The following ZNF74 variants were observed in gnomAD, a reference collection of about 807,000 sequenced individuals.
ZNF74 encodes the protein zinc finger protein 520.
In ZNF74, 12 loss-of-function variants were observed where a neutral mutation model predicts 17.7. The ratio of observed to expected loss-of-function variants is 0.68; its 90% confidence interval spans 0.43 to 1.10. ZNF74 has a LOEUF of 1.10. Among genes scored for constraint, ZNF74 ranks in the 50% least tolerant of loss-of-function variants. The pLI is 0.00. For missense variants in ZNF74, 811 were observed against 881.0 expected (o/e 0.92, Z 1.01); for synonymous variants, 358 against 362.1 (o/e 0.99, Z 0.13).
chr22:20,406,098 C>A lies in ZNF74; in HGVS notation c.1065C>A (p.Thr355=). The change falls in exon 5 of 5, where the codon ACC becomes ACA. Residue 355 remains threonine (T), a synonymous_variant. Transcript: ENST00000400451. The part of the protein sequence containing the change: ...SLLSMHLRVH[T]GEKPYRCGEC... ...TCAGCATGCACCTGCGGGTGCACAC[C>A]GGCGAGAAGCCCTACCGGTGCGGCG... 11 of 1,612,978 alleles carry A rather than the reference C, an allele frequency of 6.8e-6. No individual in the cohort carries two copies. Among genetic ancestry groups the A allele is most frequent in the Non-Finnish European group, 9.3e-6 (11 of 1,179,674 alleles).
chr22:20,394,331 G>A lies in ZNF74; in HGVS notation c.-298G>A, dbSNP rs534406107. On this transcript the variant is annotated 5_prime_UTR_variant, in exon 1 of 5. Transcript: ENST00000400451. Reference sequence around the variant, plus strand: ...TTAGGCCTGGCCCTGGTCTCCGAGCGCGGGTTCGCCGGGAGGAGCGTGTGG... The same window carrying A: ...TTAGGCCTGGCCCTGGTCTCCGAGCACGGGTTCGCCGGGAGGAGCGTGTGG... 49 of 696,740 alleles carry A rather than the reference G, an allele frequency of 7.0e-5. No homozygotes were observed. The highest frequency in any genetic ancestry group is 6.6e-4 in the African/African-American group (37 of 56,388). 43.2% of individuals were successfully genotyped at this position (696,740 alleles called of 1,614,324 possible).
chr22:20,394,918 G>A (rs2052275180), intron 1 of ZNF74: 1 of 525,698 alleles, frequency 1.9e-6, no homozygotes, highest in Non-Finnish European at 3.4e-6. Context: ...GCGCCACCAC[G>A]CCCGGCTAAT....
rs1357454079 is a variant in ZNF74, at chr22:20,406,105, A to T, written c.1072A>T (p.Lys358Ter). 1 of 1,613,044 alleles carries T rather than the reference A, an allele frequency of 6.2e-7. No homozygotes were observed. The highest frequency in any genetic ancestry group is 8.5e-7 in the Non-Finnish European group (1 of 1,179,698). The change falls in exon 5 of 5, where the codon AAG becomes TAG. Residue 358 changes from lysine to a stop codon, truncating the protein, a stop_gained. Coordinates refer to ENST00000400451, the MANE Select transcript of ZNF74 (RefSeq NM_003426.4). LOFTEE classifies it low-confidence loss of function (END_TRUNC). ...SMHLRVHTGE[K>*]PYRCGECGKA... ...GCACCTGCGGGTGCACACCGGCGAG[A>T]AGCCCTACCGGTGCGGCGAGTGCGG... is the stretch of plus-strand genomic sequence containing the variant.
In ZNF74 at chr22:20,401,499, C is replaced by T; in HGVS notation, c.343+127C>T. 1.5e-6 allele frequency: 1 copy of T among 660,512 alleles called. No homozygotes were observed. The highest frequency in any genetic ancestry group is 2.7e-5 in the East Asian group (1 of 36,720). The allele number at this position is 660,512 out of a possible 1,614,324, so 40.9% of individuals were successfully genotyped here. A position where few individuals can be genotyped will look rare whatever the true frequency, so the allele number is the denominator to read the frequency against. On this transcript the variant is annotated intron_variant, in intron 4 of 4. Coordinates refer to ENST00000400451, the MANE Select transcript of ZNF74 (RefSeq NM_003426.4). The surrounding 1 kb of genome is among the most constrained non-coding windows in gnomAD (Gnocchi z 4.2). ...TCCCCTTTTCAGGTCCCCCGCCAGA[C>T]CCTCCTGCCTGCCTCCCTTCAGCAC... is the stretch of plus-strand genomic sequence containing the variant.
intron 4 of ZNF74, among the ~76,000 whole-genome samples, chr22:20,402,222 A>G (rs5761392): frequency 0.66 from 100,181 of 151,970 alleles, 34,418 homozygotes; most frequent in African/African-American, 0.88. Context: ...ATCCCCCTCC[A>G]CTGCCACATA....
chr22:20,405,642 C>T lies in ZNF74; in HGVS notation c.609C>T (p.Asn203=), dbSNP rs1173878419. The change falls in exon 5 of 5, where the codon AAC becomes AAT. Residue 203 remains asparagine (N), a synonymous_variant. Transcript: ENST00000400451. The stretch of plus-strand genomic sequence containing the variant: ...GACCCTTGCTGGACACACGCAAGAA[C>T]GTCCAGGCCACTGAGGGCAGAACCA... ...EGGPLLDTRK[N]VQATEGRTKA... is the part of the protein sequence containing the mutation. The T allele has an allele frequency of 6.2e-7, 1 of 1,613,040 alleles. No homozygotes were observed. The highest frequency in any genetic ancestry group is 1.1e-5 in the South Asian group (1 of 90,978).
Position 20,401,431 on chromosome 22 carries a change from C to G in ZNF74, c.343+59C>G. The G allele has an allele frequency of 9.0e-7, 1 of 1,117,098 alleles. No homozygotes were observed. The highest frequency in any genetic ancestry group is 1.3e-6 in the Non-Finnish European group (1 of 760,558). The allele number at this position is 1,117,098 out of a possible 1,614,324, so 69.2% of individuals were successfully genotyped here. A position where few individuals can be genotyped will look rare whatever the true frequency, so the allele number is the denominator to read the frequency against. Reference sequence around the variant, plus strand: ...CCAGCACCCCTGGTGGCACCTCCTCCTATGGCCCCTATTTTCCTCCCTCAG... The same window carrying G: ...CCAGCACCCCTGGTGGCACCTCCTCGTATGGCCCCTATTTTCCTCCCTCAG... On this transcript the variant is annotated intron_variant, in intron 4 of 4. Coordinates refer to ENST00000400451, the MANE Select transcript of ZNF74 (RefSeq NM_003426.4). The surrounding 1 kb of genome is among the most constrained non-coding windows in gnomAD (Gnocchi z 4.2).
intron 4 of ZNF74, among the ~76,000 whole-genome samples, chr22:20,402,733 A>C (rs1006573023): frequency 2.0e-5 from 3 of 150,314 alleles, no homozygotes; most frequent in East Asian, 2.0e-4. Flanking sequence ...CCCAGGAGGC[A>C]GAGGTTGCGG....
At position 20,401,204 on chromosome 22, in the gene ZNF74, A is replaced by G; in HGVS notation, c.248-73A>G. ...CCACTTCACAGGCATTGTCCTTGTT[A>G]GGGGGCGGCCTGTAAGGTCGACTGG... is the stretch of plus-strand genomic sequence containing the variant. On this transcript the variant is annotated intron_variant, in intron 3 of 4. Coordinates refer to ENST00000400451, the MANE Select transcript of ZNF74 (RefSeq NM_003426.4). The surrounding 1 kb of genome is among the most constrained non-coding windows in gnomAD (Gnocchi z 4.2). 1.0e-6 allele frequency: 1 copy of G among 975,014 alleles called. No individual in the cohort carries two copies. Among genetic ancestry groups the G allele is most frequent in the Non-Finnish European group, 1.6e-6 (1 of 631,422 alleles). The allele number at this position is 975,014 out of a possible 1,614,324, so 60.4% of individuals were successfully genotyped here. A position where few individuals can be genotyped will look rare whatever the true frequency, so the allele number is the denominator to read the frequency against.
In ZNF74 at chr22:20,408,425, A is replaced by G. The variant is rs2052456520; in HGVS notation, c.*1457A>G. 1 of 152,148 alleles carries G rather than the reference A, an allele frequency of 6.6e-6. No homozygotes were observed. 9.4% of individuals were successfully genotyped at this position (152,148 alleles called of 1,614,324 possible). On this transcript the variant is annotated 3_prime_UTR_variant, in exon 5 of 5. Transcript: ENST00000400451. ...ACTTCTGAAAAATAAAATCCCCATA[A>G]TTCTTAATAAAACTGCCTTTTGCAC...
intron 2 of ZNF74, 60 bp from the exon 3 acceptor site, chr22:20,400,572 G>T: frequency 1.2e-6 from 2 of 1,609,670 alleles, no homozygotes; most frequent in South Asian, 2.2e-5. Context: ...TCAATCTCTG[G>T]CTCCTTTGGA....
chr22:20,403,617 C>G (rs1378643272), intron 4 of ZNF74, among the ~76,000 whole-genome samples: 1 of 152,050 alleles, frequency 6.6e-6, no homozygotes, highest in Non-Finnish European at 1.5e-5. Context: ...CAAGACAAAC[C>G]ATTATGCCAG....
At chr22:20,396,550 C>T (rs1292908767) in intron 2 of ZNF74, among the ~76,000 whole-genome samples, 1 of 151,836 alleles carries the variant, frequency 6.6e-6, no homozygotes, top group Non-Finnish European at 1.5e-5. Context: ...CTGCAACTTA[C>T]CTTCAAATGG....
At position 20,405,936 on chromosome 22, in the gene ZNF74, G is replaced by C. The variant is rs2052416815; in HGVS notation, c.903G>C (p.Glu301Asp). ...AGCACCGGCGCATCCACACCGGCGA[G>C]AAGCCCTTCTTCTGCGGCGAGTGCG... ...LLEHRRIHTG[E>D]KPFFCGECGK... Residue 301 changes from glutamate to aspartate, a missense_variant, in exon 5 of 5, where the codon GAG becomes GAC. By Grantham distance (45) the Glu-to-Asp change is conservative. Transcript: ENST00000400451. 1 of 1,613,844 alleles carries C rather than the reference G, an allele frequency of 6.2e-7. No homozygotes were observed. Among genetic ancestry groups the C allele is most frequent in the South Asian group, 1.1e-5 (1 of 91,084 alleles).
At position 20,405,697 on chromosome 22, in the gene ZNF74, A is replaced by G. The variant is rs1328175409; in HGVS notation, c.664A>G (p.Asn222Asp). 2 of 1,606,888 alleles carry G rather than the reference A, an allele frequency of 1.2e-6. No individual in the cohort carries two copies. Among genetic ancestry groups the G allele is most frequent in the Admixed American group, 1.7e-5 (1 of 58,778 alleles). The change falls in exon 5 of 5, where the codon AAC (asparagine) becomes GAC (aspartate). Residue 222 changes from asparagine to aspartate, a missense_variant. This residue lies in a region of ZNF74 where 666 missense variants were observed against 702.3 expected (regional missense o/e 0.95). Coordinates refer to ENST00000400451, the MANE Select transcript of ZNF74 (RefSeq NM_003426.4). The part of the protein sequence containing the change: ...KAPARLCAGE[N>D]ASTPSEPEKF... ...CCCCGCGAGACTGTGTGCAGGGGAA[A>G]ACGCCTCCACGCCAAGTGAGCCAGA... is the stretch of plus-strand genomic sequence containing the variant.
Position 20,406,457 on chromosome 22 carries a change from A to ACGAGTG in ZNF74, c.1427_1432dup (p.Glu476_Cys477dup). 8.7e-6 allele frequency: 14 copies of ACGAGTG among 1,604,042 alleles called. No individual in the cohort carries two copies. The highest frequency in any genetic ancestry group is 1.2e-5 in the Non-Finnish European group (14 of 1,176,614). On this transcript the variant is annotated inframe_insertion, in exon 5 of 5. Transcript: ENST00000400451. ...AGCGGCGAGAAGCCCTTCAAGTGCA[A>ACGAGTG]CGAGTGCGGCAAAGCCTTCAGCTCC...
chr22:20,405,577 A>G lies in ZNF74; in HGVS notation c.544A>G (p.Arg182Gly). 6 of 1,611,756 alleles carry G rather than the reference A, an allele frequency of 3.7e-6. No individual in the cohort carries two copies. Among genetic ancestry groups the G allele is most frequent in the Non-Finnish European group, 4.2e-6 (5 of 1,178,788 alleles). Reference sequence around the variant, plus strand: ...CGTCCCTGTAGAGGAATTCCCCCTCAGGTGTCCCCTCTTCGCCCAGCAACG... The same window carrying G: ...CGTCCCTGTAGAGGAATTCCCCCTCGGGTGTCCCCTCTTCGCCCAGCAACG... Reference protein sequence around the residue: ...WDVPVEEFPLRCPLFAQQRVP... With the variant: ...WDVPVEEFPLGCPLFAQQRVP... Residue 182 changes from arginine (R) to glycine (G), a missense_variant, in exon 5 of 5, where the codon AGG (arginine) becomes GGG (glycine). Transcript: ENST00000400451.
intron 1 of ZNF74, 155 bp downstream of exon 1, chr22:20,394,817 A>G (rs2052273844): frequency 1.4e-6 from 1 of 702,948 alleles, no homozygotes; most frequent in Middle Eastern, 2.9e-4. Context: ...GAGTGGTGCA[A>G]TGGCTTGATC....
At chr22:20,395,918 C>T (rs2052287745) in intron 2 of ZNF74, among the ~76,000 whole-genome samples, 3 of 152,148 alleles carry the variant, frequency 2.0e-5, no homozygotes, top group Non-Finnish European at 4.4e-5. Flanking sequence ...TACCCAGCCC[C>T]TGGCATGGGG....
Sources: gnomAD v4.1 joint callset for allele counts (sites outside exome capture counted in the v4.1 genomes callset) on GRCh38, gnomAD v4.1.1 for gene constraint, gnomAD v4.1.1 regional missense constraint, Gnocchi (gnomAD v3.1) non-coding constraint, MANE v1.5 for transcripts, NCBI Gene and HGNC (gene_info 2026-07-23, HGNC 2026-07-21) for gene names.